The following RAB8B variants were observed in gnomAD, a reference collection of about 807,000 sequenced individuals.
RAB8B encodes RAB8B, member RAS oncogene family, also known as ras-related protein Rab-8B.
A neutral mutation model predicts 32.0 loss-of-function variants in RAB8B; 11 were observed. The observed-to-expected ratio is 0.34, with a 90% CI of 0.22 to 0.57. The LOEUF (loss-of-function observed/expected upper bound fraction) is 0.57, where lower values mean the gene tolerates loss of function less well. RAB8B is among the 20% of genes least tolerant of loss of function. RAB8B has a pLI of 0.86. For synonymous variants in RAB8B, 103 were observed against 89.6 expected, an observed-to-expected ratio of 1.15 and a Z score of -0.85; for missense variants, 190 against 258.5, an observed-to-expected ratio of 0.73 and a Z score of 1.82.
chr15:63,233,421 A>G (rs1460450659), intron 1 of RAB8B, among the ~76,000 whole-genome samples: 1 of 152,098 alleles, frequency 6.6e-6, no homozygotes, highest in Non-Finnish European at 1.5e-5. Flanking sequence ...CAAGTCCTTT[A>G]TTTTGAGAAA....
chr15:63,192,013 A>T (rs1373249580), intron 1 of RAB8B, among the ~76,000 whole-genome samples: 1 of 152,190 alleles, frequency 6.6e-6, no homozygotes, highest in Admixed American at 6.5e-5. Flanking sequence ...TTAGAATAGG[A>T]AGTGAACATG....
intron 1 of RAB8B, among the ~76,000 whole-genome samples, chr15:63,194,389 T>TA (rs1405299937): frequency 5.3e-5 from 8 of 152,336 alleles, no homozygotes; most frequent in Admixed American, 3.3e-4. Flanking sequence ...AGTTTGCACA[T>TA]ACGCCTTTAT....
chr15:63,202,330 A>G (rs1265605911), intron 1 of RAB8B, among the ~76,000 whole-genome samples: 9 of 152,176 alleles, frequency 5.9e-5, no homozygotes, highest in Non-Finnish European at 1.3e-4. Flanking sequence ...AAACCCTTGA[A>G]AAGTATGTTG....
At chr15:63,243,002 G>C (rs1195841470) in intron 1 of RAB8B, among the ~76,000 whole-genome samples, 1 of 152,230 alleles carries the variant, frequency 6.6e-6, no homozygotes, top group Non-Finnish European at 1.5e-5. Flanking sequence ...AGCGGGAGCT[G>C]TGAGCATGTT....
At chr15:63,227,257 A>G (rs2037896305) in intron 1 of RAB8B, among the ~76,000 whole-genome samples, 1 of 152,134 alleles carries the variant, frequency 6.6e-6, no homozygotes, top group African/African-American at 2.4e-5. Flanking sequence ...TGACATTTGC[A>G]TCCACTGTTG....
chr15:63,224,570 A>G (rs1021683233), intron 1 of RAB8B, among the ~76,000 whole-genome samples: 3 of 152,180 alleles, frequency 2.0e-5, no homozygotes, highest in African/African-American at 4.8e-5. Flanking sequence ...ACAGACCTAC[A>G]TAGATGGGGT....
At chr15:63,242,828 A>G (rs1233660167) in intron 1 of RAB8B, among the ~76,000 whole-genome samples, 1 of 151,162 alleles carries the variant, frequency 6.6e-6, no homozygotes, top group Non-Finnish European at 1.5e-5. Flanking sequence ...GACTGGTTTC[A>G]TGGAAGACAG....
intron 1 of RAB8B, among the ~76,000 whole-genome samples, chr15:63,216,807 C>T (rs2037796212): frequency 6.7e-6 from 1 of 149,344 alleles, no homozygotes; most frequent in South Asian, 2.1e-4. Context: ...TTGCAGTGAG[C>T]TGAGATCATG....
At chr15:63,228,470 C>T (rs1312301919) in intron 1 of RAB8B, among the ~76,000 whole-genome samples, 1 of 152,222 alleles carries the variant, frequency 6.6e-6, no homozygotes, top group African/African-American at 2.4e-5. Context: ...ATGAATTCTG[C>T]AAATGATGCC....
chr15:63,229,780 CA>C (rs56015501), intron 1 of RAB8B, among the ~76,000 whole-genome samples: 2,609 of 35,778 alleles, frequency 0.073, 207 homozygotes, highest in African/African-American at 0.12. Context: ...GACGCTGTTT[CA>C]AAAAAAAAAA....
At chr15:63,190,008 T>A (rs1254136676) in intron 1 of RAB8B, among the ~76,000 whole-genome samples, 1 of 138,322 alleles carries the variant, frequency 7.2e-6, no homozygotes, top group Admixed American at 7.6e-5. Context: ...GAACAAGGAC[T>A]AGGGGTATTG....
intron 4 of RAB8B, among the ~76,000 whole-genome samples, chr15:63,256,006 T>G (rs2038156247): frequency 6.6e-6 from 1 of 152,216 alleles, no homozygotes; most frequent in African/African-American, 2.4e-5. Context: ...CTTCTGACAT[T>G]TTCTCCATCT....
chr15:63,212,565 A>C (rs1323005981), intron 1 of RAB8B, among the ~76,000 whole-genome samples: 1 of 152,220 alleles, frequency 6.6e-6, no homozygotes, highest in East Asian at 1.9e-4. Context: ...AAAATGTAGT[A>C]AAGTAAAAAG....
intron 3 of RAB8B, among the ~76,000 whole-genome samples, chr15:63,253,955 G>A (rs1269873709): frequency 1.3e-5 from 2 of 152,174 alleles, no homozygotes; most frequent in Non-Finnish European, 2.9e-5. Flanking sequence ...GTTTTACTTT[G>A]TTGAGTTTGC....
chr15:63,214,286 C>CTTTTTT (rs34415858), intron 1 of RAB8B, among the ~76,000 whole-genome samples: 85 of 95,636 alleles, frequency 8.9e-4, no homozygotes, highest in East Asian at 1.4e-3. Context: ...CAGTTTCTTT[C>CTTTTTT]TTTTTTTTTT....
intron 1 of RAB8B, among the ~76,000 whole-genome samples, chr15:63,224,270 A>T (rs369703230): frequency 6.6e-6 from 1 of 152,242 alleles, no homozygotes; most frequent in South Asian, 2.1e-4. Flanking sequence ...GAAAATATTC[A>T]TCCCATGTTG....
intron 1 of RAB8B, among the ~76,000 whole-genome samples, chr15:63,190,952 T>C (rs1044631414): frequency 2.6e-5 from 4 of 152,242 alleles, no homozygotes; most frequent in African/African-American, 9.6e-5. Flanking sequence ...CTGTCCTTTC[T>C]ACTTTTGTAC....
intron 1 of RAB8B, among the ~76,000 whole-genome samples, chr15:63,207,243 G>A (rs991261705): frequency 6.6e-6 from 1 of 152,170 alleles, no homozygotes; most frequent in African/African-American, 2.4e-5. Flanking sequence ...GCACATATCA[G>A]ATCCATTATG....
At chr15:63,261,159 G>T (rs1324270365) in intron 6 of RAB8B, among the ~76,000 whole-genome samples, 1 of 152,140 alleles carries the variant, frequency 6.6e-6, no homozygotes, top group Non-Finnish European at 1.5e-5. Flanking sequence ...TGGCCAACAG[G>T]TATATGAAAA....
Sources: gnomAD v4.1 joint callset for allele counts (sites outside exome capture counted in the v4.1 genomes callset) on GRCh38, gnomAD v4.1.1 for gene constraint, MANE v1.5 for transcripts, NCBI Gene and HGNC (gene_info 2026-07-23, HGNC 2026-07-21) for gene names.